The following CELF4 variants were observed in gnomAD, a reference collection of about 807,000 sequenced individuals.
CELF4 encodes the protein CUGBP Elav-like family member 4.
Under a neutral mutation model 59.9 loss-of-function variants are expected in CELF4, and 18 were observed. The observed-to-expected ratio is 0.30, with a 90% CI of 0.21 to 0.45. The LOEUF is 0.45. Ranked by LOEUF, CELF4 falls within the 20% of genes least tolerant of loss-of-function variation. The probability of loss-of-function intolerance (pLI) is 1.00; values close to 1 mark genes in which losing one functional copy is unlikely to be tolerated. For missense variants in CELF4, 456 were observed against 689.0 expected (o/e 0.66, Z 3.79); for synonymous variants, 261 against 267.1 (o/e 0.98, Z 0.22).
At chr18:37,413,344 CTG>C (rs1315426424) in intron 2 of CELF4, among the ~76,000 whole-genome samples, 3 of 152,054 alleles carry the variant, frequency 2.0e-5, no homozygotes, top group African/African-American at 4.8e-5. Context: ...CGGTGAGCAT[CTG>C]TGTGTGTAGG....
Position 37,414,339 on chromosome 18 carries a change from CATCT to C in CELF4, c.369+71182_369+71185del, listed in dbSNP as rs553479529. ...CTACCCATTCATTCTTTCATCCATC[CATCT>C]ATCTACCCATCCACCTATCCATCTA... On this transcript the variant is annotated intron_variant, in intron 2 of 12. Transcript: ENST00000420428. Among the ~76,000 whole-genome samples the C allele has an allele frequency of 7.1e-4, 108 of 151,840 alleles. 1 individual carries two copies. The highest frequency in any genetic ancestry group is 1.9e-3 in the South Asian group (9 of 4,794).
At chr18:37,348,873 C>T (rs762758812) in intron 2 of CELF4, among the ~76,000 whole-genome samples, 40 of 152,174 alleles carry the variant, frequency 2.6e-4, no homozygotes, top group Non-Finnish European at 5.6e-4. Context: ...CTCAAGGCCA[C>T]CCTGGGGCTG....
At chr18:37,317,311 C>T (rs1228807304) in intron 3 of CELF4, among the ~76,000 whole-genome samples, 2 of 152,180 alleles carry the variant, frequency 1.3e-5, no homozygotes, top group African/African-American at 4.8e-5. Flanking sequence ...CACTTGAACC[C>T]GGGAGGCGGA....
At chr18:37,379,507 CAAAAAA>C (rs56250210) in intron 2 of CELF4, among the ~76,000 whole-genome samples, 6 of 45,712 alleles carry the variant, frequency 1.3e-4, no homozygotes, top group African/African-American at 1.9e-4. Flanking sequence ...AGGCCATAAG[CAAAAAA>C]AAAAAAAAAA....
At chr18:37,543,393 G>A (rs2099979120) in intron 1 of CELF4, among the ~76,000 whole-genome samples, 1 of 152,176 alleles carries the variant, frequency 6.6e-6, no homozygotes, top group Non-Finnish European at 1.5e-5. Flanking sequence ...AGCAGGTGAG[G>A]GACACAGGGC....
At chr18:37,363,660 G>C (rs548164748) in intron 2 of CELF4, among the ~76,000 whole-genome samples, 41 of 152,354 alleles carry the variant, frequency 2.7e-4, no homozygotes, top group Admixed American at 2.6e-4. Flanking sequence ...TCAGTGACCT[G>C]AATGATCCTT....
intron 2 of CELF4, among the ~76,000 whole-genome samples, chr18:37,340,369 C>T (rs921672075): frequency 2.0e-5 from 3 of 152,194 alleles, no homozygotes; most frequent in Non-Finnish European, 4.4e-5. Context: ...ACTGGGGTAC[C>T]CAGACCAACA....
intron 1 of CELF4, among the ~76,000 whole-genome samples, chr18:37,558,824 T>TG (rs1291785855): frequency 2.0e-5 from 3 of 151,526 alleles, no homozygotes; most frequent in Non-Finnish European, 4.4e-5. Context: ...TGTGTGTGTG[T>TG]GTGTGTGTGT....
At chr18:37,306,398 C>T (rs889803407) in intron 3 of CELF4, 1 of 152,498 alleles carries the variant, frequency 6.6e-6, no homozygotes, top group Non-Finnish European at 1.5e-5. Flanking sequence ...TGAGTGACTC[C>T]ACCTGGCTCG....
rs541734890 is a variant in CELF4 at position 37,495,126 on chromosome 18, T to G, written c.287-9519A>C. 9.8e-5 allele frequency among the ~76,000 whole-genome samples: 15 copies of G among 152,314 alleles called. No homozygotes were observed. In the East Asian group the frequency reaches 1.9e-3, roughly 20 times the overall value. On this transcript the variant is annotated intron_variant, in intron 1 of 12. Coordinates refer to ENST00000420428, the MANE Select transcript of CELF4 (RefSeq NM_020180.4). The stretch of plus-strand genomic sequence containing the variant: ...GCTAGAACCTAGAAACTGAACTATG[T>G]TCCTTTCTGATGAACCTGGTAGGGG...
At chr18:37,434,575 T>C (rs1805588947) in intron 2 of CELF4, among the ~76,000 whole-genome samples, 1 of 152,092 alleles carries the variant, frequency 6.6e-6, no homozygotes, top group South Asian at 2.1e-4. Context: ...AGCGAGGAGA[T>C]GGAAGAGAGC....
intron 2 of CELF4, among the ~76,000 whole-genome samples, chr18:37,346,654 A>G (rs1212938568): frequency 6.6e-6 from 1 of 152,140 alleles, no homozygotes; most frequent in Non-Finnish European, 1.5e-5. Flanking sequence ...AGTTGGAGGA[A>G]GCATCGCAGA....
chr18:37,534,494 C>T (rs2099971951), intron 1 of CELF4, among the ~76,000 whole-genome samples: 1 of 152,192 alleles, frequency 6.6e-6, no homozygotes, highest in African/African-American at 2.4e-5. Context: ...TACACTATTT[C>T]TGAGCATTAA....
At chr18:37,545,698 T>C (rs894309674) in intron 1 of CELF4, among the ~76,000 whole-genome samples, 1 of 152,014 alleles carries the variant, frequency 6.6e-6, no homozygotes, top group Admixed American at 6.5e-5. Context: ...GGGCCTCTCT[T>C]TTCCTGTGGC....
chr18:37,301,260 C>T (rs1260131217), intron 3 of CELF4, among the ~76,000 whole-genome samples: 1 of 152,160 alleles, frequency 6.6e-6, no homozygotes, highest in African/African-American at 2.4e-5. Context: ...CCAGTGGGTC[C>T]TATTGCCTCA....
At chr18:37,533,926 G>C (rs539478980) in intron 1 of CELF4, among the ~76,000 whole-genome samples, 2 of 152,292 alleles carry the variant, frequency 1.3e-5, no homozygotes, top group South Asian at 2.1e-4. Flanking sequence ...GCTTGGTTCG[G>C]CGGATTATTG....
intron 2 of CELF4, among the ~76,000 whole-genome samples, chr18:37,428,922 C>T (rs910723283): frequency 2.0e-5 from 3 of 152,172 alleles, no homozygotes; most frequent in Admixed American, 1.3e-4. Context: ...CTTGCTGAAC[C>T]CAGTGACCCT....
intron 2 of CELF4, among the ~76,000 whole-genome samples, chr18:37,414,868 C>T (rs1255598473): frequency 6.6e-6 from 1 of 152,158 alleles, no homozygotes; most frequent in Non-Finnish European, 1.5e-5. Flanking sequence ...TACCCATCCA[C>T]TCATCCACCA....
chr18:37,309,941 C>T (rs1439165546), intron 3 of CELF4, among the ~76,000 whole-genome samples: 2 of 151,326 alleles, frequency 1.3e-5, no homozygotes, highest in Admixed American at 1.3e-4. Flanking sequence ...GGAAGCCTTC[C>T]TTATCCCATT....
Sources: gnomAD v4.1 joint callset for allele counts (sites outside exome capture counted in the v4.1 genomes callset) on GRCh38, gnomAD v4.1.1 for gene constraint, MANE v1.5 for transcripts, NCBI Gene and HGNC (gene_info 2026-07-23, HGNC 2026-07-21) for gene names.